Variants in C1GALT1 observed in about 807,000 individuals in gnomAD.
C1GALT1 encodes glycoprotein-N-acetylgalactosamine 3-beta-galactosyltransferase 1.
In C1GALT1, 11 loss-of-function variants were observed where a neutral mutation model predicts 31.0. The observed-to-expected ratio is 0.36, with a 90% confidence interval of 0.22 to 0.59. C1GALT1 has a LOEUF of 0.59. Among genes scored for constraint, C1GALT1 ranks in the 20% least tolerant of loss-of-function variants. The probability of loss-of-function intolerance (pLI) is 0.79; values close to 1 mark genes in which losing one functional copy is unlikely to be tolerated. For missense variants in C1GALT1, 424 were observed against 425.2 expected, an observed-to-expected ratio of 1.00 and a Z score of 0.03; for synonymous variants, 175 against 143.6, an observed-to-expected ratio of 1.22 and a Z score of -1.56.
At chr7:7,184,471 T>G (rs1780729605) in intron 1 of C1GALT1, among the ~76,000 whole-genome samples, 1 of 152,240 alleles carries the variant, frequency 6.6e-6, no homozygotes, top group African/African-American at 2.4e-5. Context: ...CAATATCCAG[T>G]TATTCTTAAA....
intron 2 of C1GALT1, among the ~76,000 whole-genome samples, chr7:7,163,621 C>G (rs903045113): frequency 6.5e-4 from 99 of 151,824 alleles, no homozygotes; most frequent in Non-Finnish European, 1.2e-3. Flanking sequence ...AGCAAAGTCT[C>G]AGGATACAAA....
Position 7,234,405 on chromosome 7 carries a change from T to C in C1GALT1, c.86T>C (p.Ile29Thr). Residue 29 changes from isoleucine (I) to threonine (T), a missense_variant, in exon 2 of 4, where the codon ATT becomes ACT. By Grantham distance (89) the Ile-to-Thr change is moderately conservative. This residue lies in a region of C1GALT1 where 189 missense variants were observed against 158.2 expected (regional missense o/e 1.19). Coordinates refer to ENST00000436587, the MANE Select transcript of C1GALT1 (RefSeq NM_020156.5). ...GFLLCSQLFSILLGEKVDTQP... is the reference protein window; with the variant it reads ...GFLLCSQLFSTLLGEKVDTQP... ...CTTTTATGTTCTCAGCTATTTAGTATTTTGTTGGGAGAAAAGGTTGACACC... is the reference window on the plus strand; with the variant it reads ...CTTTTATGTTCTCAGCTATTTAGTACTTTGTTGGGAGAAAAGGTTGACACC... 1.9e-6 allele frequency: 3 copies of C among 1,613,932 alleles called. No homozygotes were observed. Among genetic ancestry groups the C allele is most frequent in the Non-Finnish European group, 2.5e-6 (3 of 1,179,866 alleles).
intron 2 of C1GALT1, among the ~76,000 whole-genome samples, chr7:7,170,033 T>G (rs1780437132): frequency 6.6e-6 from 1 of 152,252 alleles, no homozygotes; most frequent in South Asian, 2.1e-4. Flanking sequence ...ATCTCTGGCC[T>G]TGTTGTAGGT....
intron 2 of C1GALT1, among the ~76,000 whole-genome samples, chr7:7,174,755 T>C (rs79315570): frequency 0.11 from 16,425 of 151,872 alleles, 1,068 homozygotes; most frequent in African/African-American, 0.18. Flanking sequence ...GATTTTTTTA[T>C]TTTTATTTTT....
chr7:7,182,682 T>C lies in C1GALT1; in HGVS notation c.-156T>C. On this transcript the variant is annotated 5_prime_UTR_variant, in exon 1 of 4. Transcript: ENST00000436587. Reference sequence around the variant, plus strand: ...CTGTGCTGCCGCTGCCGGGGAATAATCTGGGCGGCAGCGGGCGGCCTCGGC... The same window carrying C: ...CTGTGCTGCCGCTGCCGGGGAATAACCTGGGCGGCAGCGGGCGGCCTCGGC... The C allele has an allele frequency of 2.0e-6, 1 of 503,534 alleles. No homozygotes were observed. Among genetic ancestry groups the C allele is most frequent in the Non-Finnish European group, 2.6e-6 (1 of 389,356 alleles). The allele number at this position is 503,534 out of a possible 1,614,324, so 31.2% of individuals were successfully genotyped here.
intron 1 of C1GALT1, among the ~76,000 whole-genome samples, chr7:7,233,601 A>T (rs1255547159): frequency 1.3e-5 from 2 of 152,226 alleles, no homozygotes; most frequent in Non-Finnish European, 2.9e-5. Flanking sequence ...AGGGCTAGGT[A>T]CGGTTTTGTG....
intron 1 of C1GALT1, among the ~76,000 whole-genome samples, chr7:7,201,110 C>T (rs1249074842): frequency 6.6e-6 from 1 of 152,202 alleles, no homozygotes; most frequent in African/African-American, 2.4e-5. Context: ...CTTTTCTGCT[C>T]TGGTTTCTCC....
intron 2 of C1GALT1, among the ~76,000 whole-genome samples, chr7:7,172,402 T>C (rs1488017464): frequency 1.3e-5 from 2 of 152,174 alleles, no homozygotes; most frequent in Non-Finnish European, 2.9e-5. Context: ...TGGCTTTTGA[T>C]GGGTTGGTTA....
chr7:7,229,735 C>T (rs10263069), intron 1 of C1GALT1, among the ~76,000 whole-genome samples: 64,608 of 151,918 alleles, frequency 0.43, 14,547 homozygotes, highest in African/African-American at 0.56. Flanking sequence ...ATTACACTAA[C>T]GGCCAACCTG....
In C1GALT1 at chr7:7,248,163, G is replaced by A. The variant is rs1783922736; in HGVS notation, c.*4436G>A. 6.6e-6 allele frequency: 1 copy of A among 151,938 alleles called. No individual in the cohort carries two copies. The highest frequency in any genetic ancestry group is 2.1e-4 in the South Asian group (1 of 4,834). The allele number at this position is 151,938 out of a possible 1,614,324, so 9.4% of individuals were successfully genotyped here. On this transcript the variant is annotated 3_prime_UTR_variant, in exon 4 of 4. Coordinates refer to ENST00000436587, the MANE Select transcript of C1GALT1 (RefSeq NM_020156.5). Reference sequence around the variant, plus strand: ...ACCTCTGTTGATTTTTTAAAAATGTGTTTATATATAAGATTTGAAATAAAA... The same window carrying A: ...ACCTCTGTTGATTTTTTAAAAATGTATTTATATATAAGATTTGAAATAAAA...
At chr7:7,223,610 C>T (rs1292974699) in intron 1 of C1GALT1, among the ~76,000 whole-genome samples, 3 of 152,092 alleles carry the variant, frequency 2.0e-5, no homozygotes, top group Admixed American at 6.5e-5. Context: ...ATCTTATATC[C>T]TGTGACCTTG....
At chr7:7,175,782 T>C (rs1780499256) in intron 2 of C1GALT1, among the ~76,000 whole-genome samples, 1 of 152,122 alleles carries the variant, frequency 6.6e-6, no homozygotes, top group African/African-American at 2.4e-5. Context: ...ATCCACATTC[T>C]GGCTGACTTG....
intron 2 of C1GALT1, among the ~76,000 whole-genome samples, chr7:7,172,638 A>C (rs1215914434): frequency 6.6e-6 from 1 of 152,206 alleles, no homozygotes; most frequent in Admixed American, 6.5e-5. Flanking sequence ...TCTAAAAAAA[A>C]AATTAACAGA....
rs1272147247 is a variant in C1GALT1 at position 7,229,582 on chromosome 7, T to C, written c.-17-4721T>C. Among the ~76,000 whole-genome samples the C allele has an allele frequency of 2.6e-5, 4 of 152,342 alleles. No individual in the cohort carries two copies. The East Asian group carries it at 5.8e-4, about 22-fold the overall frequency. On this transcript the variant is annotated intron_variant, in intron 1 of 3. Transcript: ENST00000436587. ...ACTTGACTAATCAGTTCTCTCTGGC[T>C]GTTTGAATGAAATTTCAAACCAAGA...
intron 1 of C1GALT1, among the ~76,000 whole-genome samples, chr7:7,199,995 G>T (rs530291795): frequency 2.4e-4 from 36 of 152,178 alleles, no homozygotes; most frequent in African/African-American, 8.7e-4. Context: ...TCTTTATCCA[G>T]TTTGCCAGTT....
intron 2 of C1GALT1, among the ~76,000 whole-genome samples, chr7:7,173,090 A>C (rs1419507024): frequency 6.6e-6 from 1 of 152,084 alleles, no homozygotes; most frequent in Non-Finnish European, 1.5e-5. Flanking sequence ...CCTGAATCTC[A>C]TGTTGAAATG....
At chr7:7,209,366 G>A (rs1781891046) in intron 1 of C1GALT1, 2 of 152,178 alleles carry the variant, frequency 1.3e-5, no homozygotes, top group African/African-American at 4.8e-5. Context: ...CATAGTATCT[G>A]CAGTTAATGA....
chr7:7,175,801 T>C (rs973347237), intron 2 of C1GALT1, among the ~76,000 whole-genome samples: 3 of 152,096 alleles, frequency 2.0e-5, no homozygotes, highest in African/African-American at 7.2e-5. Context: ...TGGTTTCTGC[T>C]GAGGGCTTTT....
At chr7:7,197,166 TG>T (rs1191167470) in intron 1 of C1GALT1, among the ~76,000 whole-genome samples, 3 of 152,246 alleles carry the variant, frequency 2.0e-5, no homozygotes, top group Non-Finnish European at 4.4e-5. Flanking sequence ...AGGGTTTTTC[TG>T]GTTTTAGGTC....
Sources: allele counts gnomAD v4.1 joint callset (sites outside exome capture counted in the v4.1 genomes callset), GRCh38; gene constraint gnomAD v4.1.1; regional missense constraint gnomAD v4.1.1; transcripts MANE v1.5; gene names NCBI Gene and HGNC (gene_info 2026-07-23, HGNC 2026-07-21).